Variants in EYS observed in about 807,000 individuals in gnomAD.
The protein encoded by EYS is EGF-like photoreceptor maintenance factor.
In EYS, 250 loss-of-function variants were observed where a neutral mutation model predicts 282.1. The ratio of observed to expected loss-of-function variants is 0.89; its 90% CI spans 0.80 to 0.98. The LOEUF is 0.98. EYS is among the 50% of genes least tolerant of loss of function. The pLI, the probability that EYS is intolerant of heterozygous loss-of-function variation, is 0.00. For missense variants in EYS, 4,016 were observed against 3,709.0 expected (o/e 1.08, Z -2.15); for synonymous variants, 1,355 against 1,282.9 (o/e 1.06, Z -1.20).
chr6:64,780,330 G>A (rs905896926), intron 22 of EYS, among the ~76,000 whole-genome samples: 13 of 152,200 alleles, frequency 8.5e-5, no homozygotes, highest in Admixed American at 7.9e-4. Context: ...GAAAATGGTA[G>A]ATGGGATTTT....
chr6:64,253,925 A>T (rs1260378444), intron 30 of EYS, among the ~76,000 whole-genome samples: 1 of 152,038 alleles, frequency 6.6e-6, no homozygotes, highest in Non-Finnish European at 1.5e-5. Context: ...TGAAGTTGTG[A>T]TCTGCTTAGT....
chr6:64,958,666 C>T (rs1290730483), intron 14 of EYS, among the ~76,000 whole-genome samples: 6 of 125,956 alleles, frequency 4.8e-5, no homozygotes, highest in South Asian at 5.4e-4. Flanking sequence ...ACCCGGAAGG[C>T]GGAGCTTGCA....
chr6:65,330,000 G>T (rs1769737552), intron 11 of EYS: 1 of 983,106 alleles, frequency 1.0e-6, no homozygotes, highest in African/African-American at 1.8e-5. Flanking sequence ...GCCTGTAAAG[G>T]AAACAGGTTA....
intron 1 of EYS, among the ~76,000 whole-genome samples, chr6:65,647,191 A>G (rs1165492548): frequency 2.6e-5 from 4 of 152,228 alleles, no homozygotes; most frequent in South Asian, 2.1e-4. Context: ...GAACTAAAAC[A>G]GAGGCCATAT....
chr6:64,693,957 T>C (rs1406323957), intron 22 of EYS, among the ~76,000 whole-genome samples: 2 of 152,146 alleles, frequency 1.3e-5, no homozygotes, highest in Non-Finnish European at 2.9e-5. Flanking sequence ...ATCAATCCTA[T>C]CTTTTAAAAA....
chr6:64,677,315 G>T (rs1769723521), intron 22 of EYS, among the ~76,000 whole-genome samples: 1 of 151,872 alleles, frequency 6.6e-6, no homozygotes, highest in Admixed American at 6.6e-5. Flanking sequence ...ATTTAAAGGA[G>T]CTCTACTGGT....
chr6:65,268,306 C>T (rs964248762), intron 12 of EYS, among the ~76,000 whole-genome samples: 4 of 151,722 alleles, frequency 2.6e-5, no homozygotes, highest in African/African-American at 4.8e-5. Context: ...ACTAGGTAAC[C>T]CATGGTTTTG....
chr6:65,348,548 TC>T (rs1045276288), intron 9 of EYS, among the ~76,000 whole-genome samples: 1 of 151,744 alleles, frequency 6.6e-6, no homozygotes, highest in African/African-American at 2.4e-5. Flanking sequence ...AGATCTTTTT[TC>T]CCATTTCTAA....
At chr6:63,965,187 T>C (rs1303052971) in intron 35 of EYS, among the ~76,000 whole-genome samples, 2 of 152,182 alleles carry the variant, frequency 1.3e-5, no homozygotes, top group East Asian at 1.9e-4. Flanking sequence ...TTATCCTTTA[T>C]AGGGTAGAAT....
At chr6:64,658,734 C>T (rs376731087) in intron 22 of EYS, among the ~76,000 whole-genome samples, 23 of 152,242 alleles carry the variant, frequency 1.5e-4, no homozygotes, top group Non-Finnish European at 2.9e-4. Context: ...CAGAGGAGTA[C>T]CCGGCCATGT....
chr6:65,205,155 C>A (rs1373101604), intron 12 of EYS, among the ~76,000 whole-genome samples: 3 of 148,404 alleles, frequency 2.0e-5, no homozygotes, highest in South Asian at 2.1e-4. Context: ...TATGAGAGAA[C>A]CTATAGGGGG....
chr6:64,970,299 T>C (rs1770245529), intron 14 of EYS, among the ~76,000 whole-genome samples: 1 of 152,042 alleles, frequency 6.6e-6, no homozygotes, highest in Non-Finnish European at 1.5e-5. Context: ...CAAACACAGA[T>C]CATACATAGT....
chr6:64,729,416 T>C (rs1463790053), intron 22 of EYS, among the ~76,000 whole-genome samples: 1 of 152,250 alleles, frequency 6.6e-6, no homozygotes, highest in Non-Finnish European at 1.5e-5. Context: ...GTGGAAATTA[T>C]GTGAGTAGAA....
chr6:64,817,176 A>AC (rs1388427328), intron 21 of EYS, among the ~76,000 whole-genome samples: 3 of 152,024 alleles, frequency 2.0e-5, no homozygotes, highest in Admixed American at 1.3e-4. Context: ...TCCAACTCAA[A>AC]CCCTCTCCTG....
At chr6:65,603,464 A>T (rs985103858) in intron 2 of EYS, among the ~76,000 whole-genome samples, 2 of 152,018 alleles carry the variant, frequency 1.3e-5, no homozygotes, top group African/African-American at 2.4e-5. Context: ...TAAATTGCTT[A>T]CATTTTTTCT....
chr6:64,884,312 C>T (rs202178709), intron 19 of EYS, among the ~76,000 whole-genome samples: 1 of 151,388 alleles, frequency 6.6e-6, no homozygotes, highest in East Asian at 1.9e-4. Flanking sequence ...CCATTACATT[C>T]AAATTTTGTT....
chr6:65,277,391 C>A (rs545036154), intron 12 of EYS, among the ~76,000 whole-genome samples: 23 of 151,382 alleles, frequency 1.5e-4, no homozygotes, highest in Non-Finnish European at 3.1e-4. Context: ...TGAGATCATG[C>A]CACTGCACTC....
intron 24 of EYS, among the ~76,000 whole-genome samples, chr6:64,610,901 C>T (rs999219995): frequency 6.6e-6 from 1 of 152,084 alleles, no homozygotes; most frequent in African/African-American, 2.4e-5. Flanking sequence ...CCCCAAAACC[C>T]TCACATATCT....
At chr6:65,029,852 C>T (rs977360960) in intron 13 of EYS, among the ~76,000 whole-genome samples, 32 of 152,164 alleles carry the variant, frequency 2.1e-4, no homozygotes, top group Admixed American at 1.9e-3. Flanking sequence ...TCTGGAATCT[C>T]TTCATTGGCC....
Sources: gnomAD v4.1 joint callset for allele counts (sites outside exome capture counted in the v4.1 genomes callset) on GRCh38, gnomAD v4.1.1 for gene constraint, MANE v1.5 for transcripts, NCBI Gene and HGNC (gene_info 2026-07-23, HGNC 2026-07-21) for gene names.